Variants in ACAP1 observed in about 807,000 individuals in gnomAD.
ACAP1 encodes ArfGAP with coiled-coil, ankyrin repeat and PH domains 1, also known as arf-GAP with coiled-coil, ANK repeat and PH domain-containing protein 1.
In ACAP1, 45 loss-of-function variants were observed where a neutral mutation model predicts 98.8. That is an observed-to-expected ratio of 0.46 (90% CI 0.36 to 0.58). The LOEUF (loss-of-function observed/expected upper bound fraction) is 0.58, where lower values mean the gene tolerates loss of function less well. Among genes scored for constraint, ACAP1 ranks in the 20% least tolerant of loss-of-function variants. The probability of loss-of-function intolerance (pLI) is 0.00; values close to 1 mark genes in which losing one functional copy is unlikely to be tolerated. For missense variants in ACAP1, 735 were observed against 971.4 expected (o/e 0.76, Z 3.24); for synonymous variants, 362 against 375.3 (o/e 0.96, Z 0.41).
Position 7,349,219 on chromosome 17 carries a change from C to T in ACAP1, c.1851+52C>T, listed in dbSNP as rs754897103. The stretch of plus-strand genomic sequence containing the variant: ...CCACCCTAGGGCTCTGACACCTACT[C>T]CTGACTCTGGGCCCTGCCCTTACCT... On this transcript the variant is annotated intron_variant, in intron 18 of 21. Coordinates refer to ENST00000158762, the MANE Select transcript of ACAP1 (RefSeq NM_014716.4). 10 of 1,596,626 alleles carry T rather than the reference C, an allele frequency of 6.3e-6. No homozygotes were observed. In the African/African-American group the frequency reaches 8.0e-5, roughly 13 times the overall value.
Position 7,343,626 on chromosome 17 carries a change from G to A in ACAP1, c.528+64G>A. On this transcript the variant is annotated intron_variant, in intron 6 of 21. Coordinates refer to ENST00000158762, the MANE Select transcript of ACAP1 (RefSeq NM_014716.4). The surrounding 1 kb of genome is among the most constrained non-coding windows in gnomAD (Gnocchi z 4.9). ...TCAAGTGTCACCTCGAGGCTTGGGG[G>A]TCTCCAGTGTGCAGTGGGAAGGGGT... The A allele has an allele frequency of 1.3e-6, 2 of 1,595,196 alleles. No homozygotes were observed. Among genetic ancestry groups the A allele is most frequent in the Non-Finnish European group, 8.6e-7 (1 of 1,168,176 alleles).
In ACAP1 at chr17:7,344,664, C is replaced by T. The variant is rs538244665; in HGVS notation, c.854+16C>T. 9.9e-6 allele frequency: 15 copies of T among 1,516,598 alleles called. No individual in the cohort carries two copies. The South Asian group carries it at 1.7e-4, about 17-fold the overall frequency. 93.9% of individuals were successfully genotyped at this position (1,516,598 alleles called of 1,614,324 possible). A position where few individuals can be genotyped will look rare whatever the true frequency, so the allele number is the denominator to read the frequency against. ...CCTGGAGCAGGTGAGGAGAGGACAC[C>T]CCCAATCAGCCCGCCCCACCCAATG... On this transcript the variant is annotated intron_variant, in intron 10 of 21. Coordinates refer to ENST00000158762, the MANE Select transcript of ACAP1 (RefSeq NM_014716.4). The surrounding 1 kb of genome is among the most constrained non-coding windows in gnomAD (Gnocchi z 4.9).
intron 2 of ACAP1, among the ~76,000 whole-genome samples, chr17:7,338,169 T>C (rs2143015644): frequency 6.6e-6 from 1 of 152,308 alleles, no homozygotes; most frequent in East Asian, 1.9e-4. Flanking sequence ...TCTATTGCTG[T>C]GTAACAAATT....
intron 5 of ACAP1, chr17:7,342,697 C>A: frequency 1.7e-6 from 1 of 584,806 alleles, no homozygotes; most frequent in South Asian, 2.0e-5. Context: ...GTCGGGAGTT[C>A]GAGACCAGCC....
At chr17:7,337,479 T>TA in intron 2 of ACAP1, 110 bp downstream of exon 2, 1 of 1,005,904 alleles carries the variant, frequency 9.9e-7, no homozygotes, top group Non-Finnish European at 1.6e-6. Context: ...GAATACTGTG[T>TA]AGGGGAGATA....
chr17:7,346,538 GC>G (rs745756111), intron 12 of ACAP1, 47 bp downstream of exon 12: 1 of 1,493,184 alleles, frequency 6.7e-7, no homozygotes, highest in Admixed American at 2.2e-5. Context: ...CTAAACAACT[GC>G]CAATCTGAAA....
intron 11 of ACAP1, 29 bp downstream of exon 11, chr17:7,346,324 G>A: frequency 6.2e-7 from 1 of 1,614,130 alleles, no homozygotes. Context: ...TGGATGCCTG[G>A]GCCCCAGGGA....
At chr17:7,349,280 C>A in intron 18 of ACAP1, 113 bp downstream of exon 18, 1 of 1,170,834 alleles carries the variant, frequency 8.5e-7, no homozygotes, top group Admixed American at 2.6e-5. Flanking sequence ...GGCTTCCACC[C>A]ATAGGGAGAG....
chr17:7,349,350 G>A, intron 18 of ACAP1, 183 bp downstream of exon 18: 1 of 600,306 alleles, frequency 1.7e-6, no homozygotes, highest in Non-Finnish European at 2.8e-6. Context: ...ACCTGAGTTT[G>A]AACCCAGGCT....
intron 5 of ACAP1, 200 bp downstream of exon 5, chr17:7,342,674 C>T (rs1033305758): frequency 1.6e-5 from 10 of 630,924 alleles, no homozygotes; most frequent in Admixed American, 1.4e-4. Context: ...CCAAGGCGGG[C>T]GGATCACCTG....
chr17:7,339,309 A>C lies in ACAP1; in HGVS notation c.111+1940A>C, dbSNP rs529042337. 7.9e-5 allele frequency among the ~76,000 whole-genome samples: 11 copies of C among 138,794 alleles called. No individual in the cohort carries two copies. In the South Asian group the frequency reaches 1.4e-3, roughly 18 times the overall value. The allele number at this position is 138,794 out of a possible 152,430, so 91.1% of individuals were successfully genotyped here. On this transcript the variant is annotated intron_variant, in intron 2 of 21. Coordinates refer to ENST00000158762, the MANE Select transcript of ACAP1 (RefSeq NM_014716.4). ...TCTCAATAAACAAAAACAAACAAAC[A>C]AAAAACCCCAATAAACTCTAGCCAA...
rs372953627 is a variant in ACAP1, at chr17:7,346,863, G to A, written c.1063G>A (p.Val355Met). The A allele has an allele frequency of 7.4e-6, 12 of 1,613,556 alleles. No individual in the cohort carries two copies. Among genetic ancestry groups the A allele is most frequent in the African/African-American group, 1.3e-5 (1 of 74,912 alleles). ...ERLLQLWVSA[V>M]QSSIASAFSQ... is the part of the protein sequence containing the mutation. Reference sequence around the variant, plus strand: ...CCTCCTGCAGCTGTGGGTCAGTGCTGTGCAGAGCAGCATTGCTTCTGCCTT... The same window carrying A: ...CCTCCTGCAGCTGTGGGTCAGTGCTATGCAGAGCAGCATTGCTTCTGCCTT... Residue 355 changes from valine to methionine, a missense_variant, in exon 13 of 22, where the codon GTG becomes ATG. Val to Met is a conservative substitution (Grantham distance 21). Coordinates refer to ENST00000158762, the MANE Select transcript of ACAP1 (RefSeq NM_014716.4).
chr17:7,346,080 G>A (rs1436697274), intron 10 of ACAP1, 164 bp from the exon 11 acceptor site: 14 of 706,492 alleles, frequency 2.0e-5, no homozygotes, highest in South Asian at 1.5e-4. Context: ...TCCTTTAGAT[G>A]TTCCAATCTG....
In ACAP1 at chr17:7,343,439, G is replaced by A; in HGVS notation, c.405G>A (p.Glu135=). 1 of 1,614,108 alleles carries A rather than the reference G, an allele frequency of 6.2e-7. No homozygotes were observed. The highest frequency in any genetic ancestry group is 8.5e-7 in the Non-Finnish European group (1 of 1,180,024). ...RDFWRGAESL[E]AALTHNAEVP... is the part of the protein sequence containing the mutation. ...TCTGGCGGGGGGCTGAGAGCCTGGA[G>A]GCTGCCCTGACCCACAACGCAGAGG... is the stretch of plus-strand genomic sequence containing the variant. Residue 135 remains glutamate, a synonymous_variant, in exon 6 of 22, where the codon GAG becomes GAA. Transcript: ENST00000158762. The surrounding 1 kb of genome is among the most constrained non-coding windows in gnomAD (Gnocchi z 4.9).
rs947250614 is a variant in ACAP1, at chr17:7,346,295, G to A, written c.906G>A (p.Lys302=). 1.2e-6 allele frequency: 2 copies of A among 1,614,096 alleles called. No individual in the cohort carries two copies. Among genetic ancestry groups the A allele is most frequent in the African/African-American group, 2.7e-5 (2 of 74,948 alleles). Residue 302 remains lysine, a splice_region_variant and synonymous_variant, in exon 11 of 22, where the codon AAG becomes AAA. Coordinates refer to ENST00000158762, the MANE Select transcript of ACAP1 (RefSeq NM_014716.4). ...AACTGGTTTACCAGAAGAAGTACAA[G>A]GTGAGTGGACCTGGGTCCTGGATGC... ...SNQLVYQKKY[K]DPVTVVVDDL...
At chr17:7,347,739 C>A (rs1019354551) in intron 14 of ACAP1, 183 bp from the exon 15 acceptor site, 48 of 605,884 alleles carry the variant, frequency 7.9e-5, no homozygotes, top group Non-Finnish European at 1.2e-4. Context: ...AGGCAGAGTC[C>A]TGCCAGGGCC....
At chr17:7,342,844 G>A (rs1184078068) in intron 5 of ACAP1, 2 of 313,598 alleles carry the variant, frequency 6.4e-6, no homozygotes, top group African/African-American at 2.2e-5. Context: ...GGAGGTGGAG[G>A]TTGCAGTGAG....
intron 2 of ACAP1, 117 bp downstream of exon 2, chr17:7,337,486 G>T: frequency 2.1e-6 from 2 of 952,404 alleles, no homozygotes; most frequent in South Asian, 2.9e-5. Flanking sequence ...GTGTAGGGGA[G>T]ATATTTTGGA....
intron 21 of ACAP1, 45 bp from the exon 22 acceptor site, chr17:7,351,250 T>G: frequency 1.3e-6 from 2 of 1,520,198 alleles, no homozygotes; most frequent in Non-Finnish European, 1.8e-6. Context: ...CCTGCCCTTC[T>G]GCACTGGGGC....
Sources: gnomAD v4.1 joint callset for allele counts (sites outside exome capture counted in the v4.1 genomes callset) on GRCh38, gnomAD v4.1.1 for gene constraint, Gnocchi (gnomAD v3.1) non-coding constraint, MANE v1.5 for transcripts, NCBI Gene and HGNC (gene_info 2026-07-23, HGNC 2026-07-21) for gene names.